HAL: variants seen among roughly 807,000 people sequenced by gnomAD.
HAL encodes histidine ammonia-lyase, also known as histidase.
A neutral mutation model predicts 81.1 loss-of-function variants in HAL; 85 were observed. That is an observed-to-expected ratio of 1.05 (90% confidence interval 0.88 to 1.25). HAL has a LOEUF of 1.25. Among genes scored for constraint, HAL ranks in the 50% most tolerant of loss-of-function variants. The pLI is 0.00. For synonymous variants in HAL, 301 were observed against 309.2 expected (o/e 0.97, Z 0.28); for missense variants, 798 against 836.6 (o/e 0.95, Z 0.57).
chr12:95,987,315 A>G lies in HAL; in HGVS notation c.904-101T>C, dbSNP rs918299811. The G allele has an allele frequency of 1.1e-4, 100 of 922,654 alleles. No individual in the cohort carries two copies. The East Asian group carries it at 2.4e-3, about 22-fold the overall frequency. The allele number at this position is 922,654 out of a possible 1,614,324, so 57.2% of individuals were successfully genotyped here. On this transcript the variant is annotated intron_variant, in intron 11 of 20. Coordinates refer to ENST00000261208, the MANE Select transcript of HAL (RefSeq NM_002108.4). Reference sequence around the variant, plus strand: ...TGCTTTCATAAGAGAAAAATTAGCCAGTCATAAACATAAAAAATTATGTTT... The same window carrying G: ...TGCTTTCATAAGAGAAAAATTAGCCGGTCATAAACATAAAAAATTATGTTT...
chr12:95,993,782 TGATAG>T lies in HAL; in HGVS notation c.536_540del (p.Pro179GlnfsTer2). ...GTGTTTTAAACTTACTGTAGCTTAT[TGATAG>T]GAATTACAGTTCTGGCAAATTTCCC... On this transcript the variant is annotated frameshift_variant, in exon 7 of 21. Coordinates refer to ENST00000261208, the MANE Select transcript of HAL (RefSeq NM_002108.4). LOFTEE classifies it high-confidence loss of function. The T allele has an allele frequency of 6.5e-7, 1 of 1,535,842 alleles. No individual in the cohort carries two copies. Among genetic ancestry groups the T allele is most frequent in the Non-Finnish European group, 9.0e-7 (1 of 1,108,680 alleles).
rs755851058 is a variant in HAL, at chr12:95,994,118, T to C, written c.383A>G (p.Asn128Ser). 3 of 1,613,596 alleles carry C rather than the reference T, an allele frequency of 1.9e-6. No individual in the cohort carries two copies. The highest frequency in any genetic ancestry group is 2.2e-5 in the South Asian group (2 of 91,070). The change falls in exon 5 of 21, where the codon AAC becomes AGC. Residue 128 changes from asparagine to serine, a missense_variant. By Grantham distance (46) the Asn-to-Ser change is conservative. Transcript: ENST00000261208. ...GDRLTTEDLV[N>S]LGKGRYKIKL... ...TATTTTGTAGCGTCCCTTTCCCAAG[T>C]TGACCAGATCCTCCGTGGTCAGACG...
At position 95,973,931 on chromosome 12, in the gene HAL, A is replaced by G; in HGVS notation, c.*301T>C. On this transcript the variant is annotated 3_prime_UTR_variant, in exon 21 of 21. Coordinates refer to ENST00000261208, the MANE Select transcript of HAL (RefSeq NM_002108.4). Reference sequence around the variant, plus strand: ...AATGCTAAGAGTAAAAAACAGGCACATACAATTGTGGTTATTCTTCTCACC... The same window carrying G: ...AATGCTAAGAGTAAAAAACAGGCACGTACAATTGTGGTTATTCTTCTCACC... 2.9e-6 allele frequency: 1 copy of G among 343,312 alleles called. No homozygotes were observed. 21.3% of individuals were successfully genotyped at this position (343,312 alleles called of 1,614,324 possible). A position where few individuals can be genotyped will look rare whatever the true frequency, so the allele number is the denominator to read the frequency against.
rs762280245 is a variant in HAL, at chr12:95,973,256, A to G, written c.*976T>C. The G allele has an allele frequency of 1.3e-5, 2 of 152,114 alleles. No individual in the cohort carries two copies. The highest frequency in any genetic ancestry group is 1.3e-4 in the Admixed American group (2 of 15,258). The allele number at this position is 152,114 out of a possible 1,614,324, so 9.4% of individuals were successfully genotyped here. A position where few individuals can be genotyped will look rare whatever the true frequency, so the allele number is the denominator to read the frequency against. ...CAAGAGGTCATGTGACCCATCCTTCATCTGGACAGATACACTTAAGCCATC... is the reference window on the plus strand; with the variant it reads ...CAAGAGGTCATGTGACCCATCCTTCGTCTGGACAGATACACTTAAGCCATC... On this transcript the variant is annotated 3_prime_UTR_variant, in exon 21 of 21. Transcript: ENST00000261208.
rs1949903037 is a variant in HAL at position 95,987,275 on chromosome 12, G to A, written c.904-61C>T. The A allele has an allele frequency of 1.6e-5, 22 of 1,399,382 alleles. No homozygotes were observed. The South Asian group carries it at 2.5e-4, about 16-fold the overall frequency. The allele number at this position is 1,399,382 out of a possible 1,614,324, so 86.7% of individuals were successfully genotyped here. The stretch of plus-strand genomic sequence containing the variant: ...TATTGTAACGAACCTACATACCCGT[G>A]GATTTTGTATCTTTTGCTTTCATAA... On this transcript the variant is annotated intron_variant, in intron 11 of 20. Coordinates refer to ENST00000261208, the MANE Select transcript of HAL (RefSeq NM_002108.4).
intron 9 of HAL, among the ~76,000 whole-genome samples, chr12:95,990,752 GGAA>G (rs1949959623): frequency 6.6e-6 from 1 of 152,134 alleles, no homozygotes; most frequent in African/African-American, 2.4e-5. Flanking sequence ...GGGGTGGAGA[GGAA>G]GAAGAGAGAA....
rs1485371961 is a variant in HAL, at chr12:95,992,790, A to T, written c.605T>A (p.Leu202Gln). ...RSHSSGVGKP[L>Q]SPERCRMLLA... Reference sequence around the variant, plus strand: ...GAGCATCCGACACCTCTCAGGACTTAGTGGTTTCCCAACACCTGCAAAACA... The same window carrying T: ...GAGCATCCGACACCTCTCAGGACTTTGTGGTTTCCCAACACCTGCAAAACA... The change falls in exon 9 of 21, where the codon CTA (leucine) becomes CAA (glutamine). Residue 202 changes from leucine (L) to glutamine (Q), a missense_variant. Leu to Gln is a moderately radical substitution (Grantham distance 113). Transcript: ENST00000261208. 6.2e-7 allele frequency: 1 copy of T among 1,612,994 alleles called. No individual in the cohort carries two copies. Among genetic ancestry groups the T allele is most frequent in the African/African-American group, 1.3e-5 (1 of 74,916 alleles).
chr12:95,993,938 T>C lies in HAL; in HGVS notation c.472A>G (p.Lys158Glu). The change falls in exon 6 of 21, where the codon AAA becomes GAA. Residue 158 changes from lysine (K) to glutamate (E), a missense_variant. Physicochemically the swap from Lys to Glu is moderately conservative, Grantham distance 56 (BLOSUM62 1). Coordinates refer to ENST00000261208, the MANE Select transcript of HAL (RefSeq NM_002108.4). ...GATAAAAAGATACCTGTTTTCTCTT[T>C]TATGATGCTATCTATGACCTCCCTG... The part of the protein sequence containing the change: ...KSREVIDSII[K>E]EKTVVYGITT... 6.3e-7 allele frequency: 1 copy of C among 1,597,126 alleles called. No homozygotes were observed. The highest frequency in any genetic ancestry group is 2.2e-5 in the East Asian group (1 of 44,770).
In HAL at chr12:95,978,048, G is replaced by A. The variant is rs754819630; in HGVS notation, c.1550C>T (p.Ser517Leu). The change falls in exon 18 of 21, where the codon TCG becomes TTG. Residue 517 changes from serine to leucine, a missense_variant. Coordinates refer to ENST00000261208, the MANE Select transcript of HAL (RefSeq NM_002108.4). ...VSENKALCHPSSVDSLSTSAA... is the reference protein window; with the variant it reads ...VSENKALCHPLSVDSLSTSAA... ...GCTGGTGGAGAGGGAGTCAACAGAC[G>A]AGGGATGGCACAGAGCCTTGTTCTC... 28 of 1,613,578 alleles carry A rather than the reference G, an allele frequency of 1.7e-5. No homozygotes were observed. The highest frequency in any genetic ancestry group is 2.2e-5 in the East Asian group (1 of 44,884).
intron 8 of HAL, among the ~76,000 whole-genome samples, chr12:95,993,246 C>G (rs1949993638): frequency 6.6e-6 from 1 of 152,200 alleles, no homozygotes; most frequent in Admixed American, 6.5e-5. Context: ...TGTTCTCATA[C>G]CAACCCCATC....
chr12:95,992,575 T>C, intron 9 of HAL, 105 bp downstream of exon 9: 2 of 1,044,650 alleles, frequency 1.9e-6, no homozygotes, highest in Non-Finnish European at 1.5e-6. Context: ...ATTTCAATTA[T>C]TTCATGTCTT....
rs1345057155 is a variant in HAL, at chr12:95,990,517, T to C, written c.731A>G (p.Tyr244Cys). 4 of 1,613,422 alleles carry C rather than the reference T, an allele frequency of 2.5e-6. No individual in the cohort carries two copies. In the African/African-American group the frequency reaches 4.0e-5, roughly 16 times the overall value. The change falls in exon 10 of 21, where the codon TAT (tyrosine) becomes TGT (cysteine). Residue 244 changes from tyrosine (Y) to cysteine (C), a missense_variant. Physicochemically the swap from Tyr to Cys is radical, Grantham distance 194 (BLOSUM62 -2). Coordinates refer to ENST00000261208, the MANE Select transcript of HAL (RefSeq NM_002108.4). ...ACCAACGGTTCCTTTCTCTGGGACA[T>C]AGGGCAGGCAGGAGGCTGGGAGAGA... ...IEMFNASCLP[Y>C]VPEKGTVGAS... is the part of the protein sequence containing the mutation.
intron 9 of HAL, among the ~76,000 whole-genome samples, chr12:95,991,938 C>T (rs1786101259): frequency 1.3e-5 from 2 of 152,226 alleles, no homozygotes; most frequent in Admixed American, 6.5e-5. Context: ...GCGTCCATAA[C>T]ATGGAAACTC....
At position 95,990,498 on chromosome 12, in the gene HAL, G is replaced by A. The variant is rs374694376; in HGVS notation, c.750C>T (p.Thr250=). ...GGGCAAGGTCTCCACTGGCACCAAC[G>A]GTTCCTTTCTCTGGGACATAGGGCA... ...SCLPYVPEKG[T]VGASGDLAPL... is the part of the protein sequence containing the mutation. Residue 250 remains threonine, a synonymous_variant, in exon 10 of 21, where the codon ACC becomes ACT. Coordinates refer to ENST00000261208, the MANE Select transcript of HAL (RefSeq NM_002108.4). The A allele has an allele frequency of 1.1e-5, 18 of 1,613,198 alleles. No individual in the cohort carries two copies. Among genetic ancestry groups the A allele is most frequent in the African/African-American group, 1.1e-4 (8 of 74,896 alleles).
Position 95,995,756 on chromosome 12 carries a change from T to G in HAL, c.155A>C (p.His52Pro). The G allele has an allele frequency of 1.2e-6, 2 of 1,613,792 alleles. No homozygotes were observed. Among genetic ancestry groups the G allele is most frequent in the Non-Finnish European group, 1.7e-6 (2 of 1,180,026 alleles). Residue 52 changes from histidine to proline, a missense_variant, in exon 2 of 21, where the codon CAC (histidine) becomes CCC (proline). By Grantham distance (77) the His-to-Pro change is moderately conservative. Transcript: ENST00000261208. ...GCCCTTGCACCGGCGCACAAGGAAG[T>G]GCGCGTCATCCACGGAGGTGAAGCC... ...NGGFTSVDDAHFLVRRCKGLG... is the reference protein window; with the variant it reads ...NGGFTSVDDAPFLVRRCKGLG...
chr12:95,991,401 A>G (rs1949968501), intron 9 of HAL, among the ~76,000 whole-genome samples: 1 of 152,226 alleles, frequency 6.6e-6, no homozygotes, highest in Non-Finnish European at 1.5e-5. Flanking sequence ...GAAAAGTAAT[A>G]TAAAATGTTC....
intron 10 of HAL, among the ~76,000 whole-genome samples, chr12:95,989,043 AT>A (rs1193450490): frequency 6.6e-6 from 1 of 152,174 alleles, no homozygotes; most frequent in Non-Finnish European, 1.5e-5. Context: ...GTAATAGTAC[AT>A]TCAGTGCTTG....
chr12:95,995,570 G>C (rs1159306920), intron 2 of HAL, 94 bp downstream of exon 2: 1 of 1,549,136 alleles, frequency 6.5e-7, no homozygotes, highest in East Asian at 2.2e-5. Flanking sequence ...CCTGACCTCT[G>C]CTCATCATTT....
In HAL at chr12:95,990,422, G is replaced by A. The variant is rs1217779849; in HGVS notation, c.826C>T (p.Pro276Ser). 5.0e-6 allele frequency: 8 copies of A among 1,613,488 alleles called. No homozygotes were observed. Residue 276 changes from proline to serine, a missense_variant, in exon 10 of 21, where the codon CCG becomes TCG. By Grantham distance (74) the Pro-to-Ser change is moderately conservative. Transcript: ENST00000261208. ...GLVGEGKMWS[P>S]KSGWADAKYV... ...TTAGCATCAGCCCAGCCACTCTTCGGAGACCACATCTTCCCTTCTCCAACT... is the reference window on the plus strand; with the variant it reads ...TTAGCATCAGCCCAGCCACTCTTCGAAGACCACATCTTCCCTTCTCCAACT...
Sources: allele counts gnomAD v4.1 joint callset (sites outside exome capture counted in the v4.1 genomes callset), GRCh38; gene constraint gnomAD v4.1.1; transcripts MANE v1.5; gene names NCBI Gene and HGNC (gene_info 2026-07-23, HGNC 2026-07-21).